PRKCG: variants seen among roughly 807,000 people sequenced by gnomAD.
The protein encoded by PRKCG is protein kinase C gamma, also known as protein kinase C gamma type.
Under a neutral mutation model 82.0 loss-of-function variants are expected in PRKCG, and 28 were observed. That is an observed-to-expected ratio of 0.34 (90% CI 0.25 to 0.47). The LOEUF (loss-of-function observed/expected upper bound fraction) is 0.47, where lower values mean the gene tolerates loss of function less well. PRKCG is among the 20% of genes least tolerant of loss of function. The pLI, the probability that PRKCG is intolerant of heterozygous loss-of-function variation, is 1.00. For missense variants in PRKCG, 640 were observed against 952.7 expected (o/e 0.67, Z 4.32); for synonymous variants, 383 against 376.6 (o/e 1.02, Z -0.20).
Position 53,882,766 on chromosome 19 carries a change from C to T in PRKCG, c.170+102C>T. ...AGGAAGAAGGAGGGGGCTGTAGTCC[C>T]GACTCCCAGGTTCTAGGATGGCCAG... On this transcript the variant is annotated intron_variant, in intron 1 of 17. Coordinates refer to ENST00000263431, the MANE Select transcript of PRKCG (RefSeq NM_002739.5). This position sits in a 1 kb window ranked among gnomAD's most constrained non-coding sequence, Gnocchi z 6.1. The T allele has an allele frequency of 8.9e-6, 13 of 1,464,162 alleles. No individual in the cohort carries two copies. Among genetic ancestry groups the T allele is most frequent in the Non-Finnish European group, 1.2e-5 (13 of 1,091,278 alleles). 90.7% of individuals were successfully genotyped at this position (1,464,162 alleles called of 1,614,324 possible). A position where few individuals can be genotyped will look rare whatever the true frequency, so the allele number is the denominator to read the frequency against.
chr19:53,904,815 GAA>G, intron 16 of PRKCG, 73 bp downstream of exon 16: 1 of 1,243,756 alleles, frequency 8.0e-7, no homozygotes, highest in South Asian at 1.3e-5. Context: ...GTGCCTATTA[GAA>G]AAATGCTCCC....
chr19:53,881,419 G>T (rs1466894002), upstream of PRKCG, among the ~76,000 whole-genome samples: 3 of 151,288 alleles, frequency 2.0e-5, no homozygotes, highest in Admixed American at 6.6e-5. Flanking sequence ...CAGCCTGAGA[G>T]AGAATAGAGA....
At chr19:53,901,270 G>A (rs577668817) in intron 14 of PRKCG, among the ~76,000 whole-genome samples, 16 of 152,170 alleles carry the variant, frequency 1.1e-4, no homozygotes, top group South Asian at 2.1e-4. Context: ...TCAGCTGGGC[G>A]CGGTGGCTCA....
Position 53,898,437 on chromosome 19 carries a change from T to C in PRKCG, c.1093-3T>C, listed in dbSNP as rs756195042. On this transcript the variant is annotated splice_region_variant and splice_polypyrimidine_tract_variant and intron_variant, in intron 10 of 17. Coordinates refer to ENST00000263431, the MANE Select transcript of PRKCG (RefSeq NM_002739.5). The stretch of plus-strand genomic sequence containing the variant: ...ACTGGCCCTTTTGGAACTGTGCGCA[T>C]AGGTGATGCTGGCCGAGCGCAGGGG... The C allele has an allele frequency of 3.3e-5, 54 of 1,613,558 alleles. No homozygotes were observed. Among genetic ancestry groups the C allele is most frequent in the Non-Finnish European group, 8.5e-7 (1 of 1,179,914 alleles).
Position 53,892,788 on chromosome 19 carries a change from A to ACATG in PRKCG, c.821+147_821+148insTGCA. The stretch of plus-strand genomic sequence containing the variant: ...CACACACACACACACACACGCACAC[A>ACATG]CACGCACACACCCCTCTCTCTCTAT... On this transcript the variant is annotated intron_variant, in intron 7 of 17. Coordinates refer to ENST00000263431, the MANE Select transcript of PRKCG (RefSeq NM_002739.5). This position sits in a 1 kb window ranked among gnomAD's most constrained non-coding sequence, Gnocchi z 5.9. 2 of 697,390 alleles carry ACATG rather than the reference A, an allele frequency of 2.9e-6. No homozygotes were observed. The highest frequency in any genetic ancestry group is 8.5e-5 in the African/African-American group (2 of 23,654). 43.2% of individuals were successfully genotyped at this position (697,390 alleles called of 1,614,324 possible).
Position 53,903,086 on chromosome 19 carries a change from A to G in PRKCG, c.1589A>G (p.Gln530Arg). ...CACCTCCCCTAGATCATTGCCTACC[A>G]GCCCTATGGGAAGTCTGTCGATTGG... ...DYIAPEIIAY[Q>R]PYGKSVDWWS... is the part of the protein sequence containing the mutation. The change falls in exon 15 of 18, where the codon CAG becomes CGG. Residue 530 changes from glutamine to arginine, a missense_variant. Physicochemically the swap from Gln to Arg is conservative, Grantham distance 43. Coordinates refer to ENST00000263431, the MANE Select transcript of PRKCG (RefSeq NM_002739.5). 1 of 1,613,592 alleles carries G rather than the reference A, an allele frequency of 6.2e-7. No homozygotes were observed. Among genetic ancestry groups the G allele is most frequent in the Non-Finnish European group, 8.5e-7 (1 of 1,179,588 alleles).
At chr19:53,904,790 C>T (rs770416678) in intron 16 of PRKCG, 48 bp downstream of exon 16, 2 of 1,445,014 alleles carry the variant, frequency 1.4e-6, no homozygotes, top group Non-Finnish European at 1.9e-6. Context: ...AACCACACAC[C>T]CCATTGCTGT....
chr19:53,897,886 G>A, intron 9 of PRKCG, 73 bp from the exon 10 acceptor site: 1 of 1,599,780 alleles, frequency 6.3e-7, no homozygotes, highest in Non-Finnish European at 8.6e-7. Flanking sequence ...TGGGTGCTGT[G>A]TCTCTTGGGA....
chr19:53,891,803 A>C lies in PRKCG; in HGVS notation c.659A>C (p.Asn220Thr). 1 of 1,613,606 alleles carries C rather than the reference A, an allele frequency of 6.2e-7. No homozygotes were observed. Among genetic ancestry groups the C allele is most frequent in the Non-Finnish European group, 8.5e-7 (1 of 1,179,924 alleles). ...ACCCGAACGGTGAAAGCCACGCTAAACCCTGTGTGGAATGAGACCTTTGTG... is the reference window on the plus strand; with the variant it reads ...ACCCGAACGGTGAAAGCCACGCTAACCCCTGTGTGGAATGAGACCTTTGTG... ...QKTRTVKATLNPVWNETFVFN... is the reference protein window; with the variant it reads ...QKTRTVKATLTPVWNETFVFN... Residue 220 changes from asparagine to threonine, a missense_variant, in exon 6 of 18, where the codon AAC becomes ACC. Coordinates refer to ENST00000263431, the MANE Select transcript of PRKCG (RefSeq NM_002739.5).
chr19:53,894,870 C>T (rs1267616453), intron 9 of PRKCG, among the ~76,000 whole-genome samples: 2 of 152,198 alleles, frequency 1.3e-5, no homozygotes, highest in Non-Finnish European at 1.5e-5. Context: ...CAAACCCAGA[C>T]ATTCACAACG....
intron 15 of PRKCG, among the ~76,000 whole-genome samples, chr19:53,903,754 C>A (rs147167947): frequency 5.3e-5 from 8 of 152,220 alleles, no homozygotes; most frequent in African/African-American, 1.9e-4. Flanking sequence ...AAAGAACAAA[C>A]AAACAAAAGA....
rs879801936 is a variant in PRKCG at position 53,884,469 on chromosome 19, G to A, written c.285+226G>A. ...GGGTGGGGCACAGAGAGGAGGCCGG[G>A]GTGAGGAGACTGAAGATGGGTGCTG... On this transcript the variant is annotated intron_variant, in intron 3 of 17. Transcript: ENST00000263431. The surrounding 1 kb of genome is among the most constrained non-coding windows in gnomAD (Gnocchi z 4.6). 2.6e-5 allele frequency among the ~76,000 whole-genome samples: 4 copies of A among 152,270 alleles called. No individual in the cohort carries two copies. The highest frequency in any genetic ancestry group is 5.9e-5 in the Non-Finnish European group (4 of 68,030).
chr19:53,903,032 T>A, intron 14 of PRKCG, 41 bp from the exon 15 acceptor site: 2 of 1,531,974 alleles, frequency 1.3e-6, no homozygotes, highest in Non-Finnish European at 1.8e-6. Context: ...CTAGGCTTCC[T>A]AAAGAACGCA....
At chr19:53,902,890 C>CAAAAAAAAAAAAAAAAAAAAAAAAAAA (rs56955659) in intron 14 of PRKCG, among the ~76,000 whole-genome samples, 183 bp from the exon 15 acceptor site, 3 of 19,976 alleles carry the variant, frequency 1.5e-4, no homozygotes, top group African/African-American at 4.1e-4. Flanking sequence ...GAGACCCTGT[C>CAAAAAAAAAAAAAAAAAAAAAAAAAAA]AAAAAAAAAA....
rs1568755805 is a variant in PRKCG at position 53,893,342 on chromosome 19, C to G, written c.910-20C>G. 6.2e-7 allele frequency: 1 copy of G among 1,611,914 alleles called. No individual in the cohort carries two copies. The highest frequency in any genetic ancestry group is 8.5e-7 in the Non-Finnish European group (1 of 1,177,966). ...CCCTGCATCTCTTGGGACCCTGACT[C>G]TCTCTTTCTTTTCTCCCAGGCTTGT... On this transcript the variant is annotated intron_variant, in intron 8 of 17. Transcript: ENST00000263431.
intron 16 of PRKCG, among the ~76,000 whole-genome samples, 193 bp from the exon 17 acceptor site, chr19:53,906,124 T>TTCTTCTTCTTCTTC (rs1568764147): frequency 2.8e-5 from 2 of 70,638 alleles, no homozygotes; most frequent in African/African-American, 2.3e-4. Context: ...TCTTCTTTTC[T>TTCTTCTTCTTCTTC]TCTCTCTCTC....
chr19:53,900,332 T>C lies in PRKCG; in HGVS notation c.1373+8T>C, dbSNP rs202130694. On this transcript the variant is annotated splice_region_variant and intron_variant, in intron 12 of 17. Transcript: ENST00000263431. The surrounding 1 kb of genome is among the most constrained non-coding windows in gnomAD (Gnocchi z 4.2). ...TAAGGAGCCCCATGCAGCGTGAGTC[T>C]CGGCCAACAGAGAATGGTCGGGGTG... The C allele has an allele frequency of 6.2e-7, 1 of 1,614,048 alleles. No homozygotes were observed. The highest frequency in any genetic ancestry group is 1.3e-5 in the African/African-American group (1 of 74,992).
chr19:53,893,766 ATTTTTATTTT>A (rs1178191665), intron 9 of PRKCG, among the ~76,000 whole-genome samples: 1 of 151,432 alleles, frequency 6.6e-6, no homozygotes, highest in Non-Finnish European at 1.5e-5. Flanking sequence ...ATTTATTTTT[ATTTTTATTTT>A]TATTTTTATT....
Position 53,906,988 on chromosome 19 carries a change from T to G in PRKCG, c.*93T>G. The G allele has an allele frequency of 1.3e-6, 2 of 1,560,432 alleles. No homozygotes were observed. Among genetic ancestry groups the G allele is most frequent in the Non-Finnish European group, 1.7e-6 (2 of 1,159,570 alleles). ...CCCAACTTCACCACCCCCTGTCCCA[T>G]TCTAGATCCTGCACCCCAGCATTCC... On this transcript the variant is annotated 3_prime_UTR_variant, in exon 18 of 18. Transcript: ENST00000263431.
Sources: gnomAD v4.1 joint callset for allele counts (sites outside exome capture counted in the v4.1 genomes callset) on GRCh38, gnomAD v4.1.1 for gene constraint, Gnocchi (gnomAD v3.1) non-coding constraint, MANE v1.5 for transcripts, NCBI Gene and HGNC (gene_info 2026-07-23, HGNC 2026-07-21) for gene names.